OSBPL10: variants seen among roughly 807,000 people sequenced by gnomAD.
The protein encoded by OSBPL10 is oxysterol-binding protein-related protein 10.
Under a neutral mutation model 81.7 loss-of-function variants are expected in OSBPL10, and 49 were observed. The observed-to-expected ratio is 0.60, with a 90% CI of 0.48 to 0.76. The LOEUF is 0.76. OSBPL10 is among the 30% of genes least tolerant of loss of function. OSBPL10 has a pLI of 0.00. For synonymous variants in OSBPL10, 419 were observed against 383.6 expected, an observed-to-expected ratio of 1.09 and a Z score of -1.08; for missense variants, 923 against 987.8, an observed-to-expected ratio of 0.93 and a Z score of 0.88.
chr3:31,940,378 G>A (rs1377440500), intron 1 of OSBPL10, among the ~76,000 whole-genome samples: 18 of 152,228 alleles, frequency 1.2e-4, no homozygotes, highest in Non-Finnish European at 2.9e-5. Flanking sequence ...CATAACTGGT[G>A]ATAAAAGTCA....
Position 31,778,359 on chromosome 3 carries a change from G to T in OSBPL10, c.730-30239C>A, listed in dbSNP as rs1698602662. The stretch of plus-strand genomic sequence containing the variant: ...GTGGCCGTGGCAAGCCCTGCCCAAG[G>T]AGAGTCTGAGCTCAGACCCGCCTAA... On this transcript the variant is annotated intron_variant, in intron 4 of 11. Transcript: ENST00000396556. Among the ~76,000 whole-genome samples the T allele has an allele frequency of 1.1e-4, 16 of 152,092 alleles. 1 individual carries two copies. The South Asian group carries it at 3.3e-3, about 32-fold the overall frequency.
chr3:32,033,147 C>T (rs1018404106), intron 2 of OSBPL10, among the ~76,000 whole-genome samples: 19 of 152,062 alleles, frequency 1.2e-4, no homozygotes, highest in African/African-American at 4.6e-4. Flanking sequence ...TATTAAAGCT[C>T]AGTGGTTTTT....
chr3:32,067,624 GATC>G (rs369181472), intron 1 of OSBPL10, among the ~76,000 whole-genome samples: 1 of 152,028 alleles, frequency 6.6e-6, no homozygotes, highest in African/African-American at 2.4e-5. Flanking sequence ...CACCCTAACT[GATC>G]AATGTACTTT....
At chr3:31,770,376 C>T (rs1451638118) in intron 4 of OSBPL10, among the ~76,000 whole-genome samples, 1 of 152,116 alleles carries the variant, frequency 6.6e-6, no homozygotes, top group African/African-American at 2.4e-5. Context: ...AGCATTTATC[C>T]TGTGTGGTCT....
At chr3:31,799,379 T>TAAAAAAAA (rs61157535) in intron 4 of OSBPL10, among the ~76,000 whole-genome samples, 1 of 56,214 alleles carries the variant, frequency 1.8e-5, no homozygotes, top group Non-Finnish European at 3.2e-5. Context: ...CCTATCTCTT[T>TAAAAAAAA]AAAAAAAAAA....
chr3:31,953,434 T>G (rs749138227), intron 1 of OSBPL10, among the ~76,000 whole-genome samples: 2 of 151,912 alleles, frequency 1.3e-5, no homozygotes, highest in African/African-American at 2.4e-5. Flanking sequence ...TTGTTGTTGC[T>G]GTTGAGGACA....
At chr3:32,077,466 G>A (rs1342469765) in exon 1 of OSBPL10, 2 of 152,282 alleles carry the variant, frequency 1.3e-5, no homozygotes, top group Non-Finnish European at 2.9e-5. Flanking sequence ...CACACCTGTT[G>A]CAGTAAAGTG....
Position 31,779,372 on chromosome 3 carries a change from A to G in OSBPL10, c.730-31252T>C, listed in dbSNP as rs142844085. On this transcript the variant is annotated intron_variant, in intron 4 of 11. Transcript: ENST00000396556. ...TAAACTCAAGGTAAAGGAGTAGAAA[A>G]AGATATTCCATGCAAATGGACACCA... 2.0e-3 allele frequency among the ~76,000 whole-genome samples: 309 copies of G among 152,358 alleles called. 1 individual carries two copies. Among genetic ancestry groups the G allele is most frequent in the African/African-American group, 7.1e-3 (296 of 41,588 alleles).
At chr3:31,662,580 C>T in intron 11 of OSBPL10, 1 of 996,468 alleles carries the variant, frequency 1.0e-6, no homozygotes, top group Non-Finnish European at 1.2e-6. Flanking sequence ...CACCATCAAT[C>T]AAATATCAAG....
chr3:31,847,110 C>G (rs1225675229), intron 3 of OSBPL10, among the ~76,000 whole-genome samples: 2 of 152,088 alleles, frequency 1.3e-5, no homozygotes, highest in Non-Finnish European at 2.9e-5. Flanking sequence ...GTCTCATTCT[C>G]CCCTTTCTCA....
rs1553620893 is a variant in OSBPL10, at chr3:31,747,487, T to TCAAAAAAA, written c.940+422_940+423insTTTTTTTG. On this transcript the variant is annotated intron_variant, in intron 5 of 11. Coordinates refer to ENST00000396556, the MANE Select transcript of OSBPL10 (RefSeq NM_017784.5). ...GAATGGAATGAAATGAATCTTCAAA[T>TCAAAAAAA]AAAAAAAAAAAAAAAAAAAAAAACA... Among the ~76,000 whole-genome samples the TCAAAAAAA allele has an allele frequency of 5.2e-4, 51 of 98,414 alleles. 3 individuals are homozygous for TCAAAAAAA. Among genetic ancestry groups the TCAAAAAAA allele is most frequent in the East Asian group, 6.9e-4 (2 of 2,896 alleles). 64.6% of individuals were successfully genotyped at this position (98,414 alleles called of 152,430 possible). A position where few individuals can be genotyped will look rare whatever the true frequency, so the allele number is the denominator to read the frequency against.
intron 6 of OSBPL10, among the ~76,000 whole-genome samples, chr3:31,712,707 G>T (rs551689379): frequency 3.9e-5 from 6 of 152,212 alleles, no homozygotes; most frequent in Non-Finnish European, 8.8e-5. Context: ...AGAACTACGA[G>T]ATGATAAATT....
intron 11 of OSBPL10, chr3:31,663,643 G>A: frequency 9.5e-7 from 1 of 1,051,084 alleles, no homozygotes; most frequent in Non-Finnish European, 1.1e-6. Flanking sequence ...AGCTCTGAAA[G>A]GCAATTCTTC....
intron 2 of OSBPL10, among the ~76,000 whole-genome samples, chr3:32,026,057 T>TAGATGATA (rs58717718): frequency 0.034 from 3,720 of 110,842 alleles, 64 homozygotes; most frequent in African/African-American, 0.06. Flanking sequence ...GATAGATAGA[T>TAGATGATA]GATAGATAGA....
At chr3:31,746,340 A>G (rs780221197) in intron 5 of OSBPL10, among the ~76,000 whole-genome samples, 9 of 152,126 alleles carry the variant, frequency 5.9e-5, no homozygotes, top group Admixed American at 3.3e-4. Context: ...CGCTGGGTAT[A>G]ATGTGGTGGC....
intron 6 of OSBPL10, among the ~76,000 whole-genome samples, chr3:31,729,861 C>G (rs1187923840): frequency 6.6e-6 from 1 of 152,204 alleles, no homozygotes; most frequent in Non-Finnish European, 1.5e-5. Context: ...GTGGCCACCA[C>G]AACACCACAA....
rs1559427045 is a variant in OSBPL10, at chr3:31,709,196, G to A, written c.1096-6688C>T. ...GCCTTTCGGAGATGCTGAGTTTGTC[G>A]TCACTGACATCACAATCCTCCTGCC... On this transcript the variant is annotated intron_variant, in intron 6 of 11. Transcript: ENST00000396556. 2.3e-5 allele frequency: 6 copies of A among 263,034 alleles called. 1 individual carries two copies. The highest frequency in any genetic ancestry group is 1.4e-4 in the South Asian group (1 of 7,048). 16.3% of individuals were successfully genotyped at this position (263,034 alleles called of 1,614,324 possible).
intron 2 of OSBPL10, chr3:31,991,395 C>T (rs1699027589): frequency 5.8e-6 from 1 of 171,192 alleles, no homozygotes; most frequent in Non-Finnish European, 1.4e-5. Context: ...CAATATGGGT[C>T]ATATCTCTAT....
intron 4 of OSBPL10, among the ~76,000 whole-genome samples, chr3:31,819,496 A>G (rs1699928968): frequency 6.6e-6 from 1 of 152,216 alleles, no homozygotes; most frequent in Non-Finnish European, 1.5e-5. Flanking sequence ...GACTCATCCA[A>G]GTGAATAAAT....
Sources: gnomAD v4.1 joint callset for allele counts (sites outside exome capture counted in the v4.1 genomes callset) on GRCh38, gnomAD v4.1.1 for gene constraint, MANE v1.5 for transcripts, NCBI Gene and HGNC (gene_info 2026-07-23, HGNC 2026-07-21) for gene names.